LDAH: variants seen among roughly 807,000 people sequenced by gnomAD.
LDAH encodes the protein lipid droplet-associated hydrolase.
In LDAH, 26 loss-of-function variants were observed where a neutral mutation model predicts 29.6. The observed-to-expected ratio is 0.88, with a 90% CI of 0.64 to 1.22. The LOEUF (loss-of-function observed/expected upper bound fraction) is 1.22, where lower values mean the gene tolerates loss of function less well. LDAH is among the 50% of genes most tolerant of loss of function. LDAH has a pLI of 0.00. For missense variants in LDAH, 344 were observed against 387.3 expected, an observed-to-expected ratio of 0.89 and a Z score of 0.94; for synonymous variants, 117 against 133.0, an observed-to-expected ratio of 0.88 and a Z score of 0.83.
chr2:20,747,184 A>G (rs1189127109), intron 4 of LDAH, among the ~76,000 whole-genome samples: 1 of 152,110 alleles, frequency 6.6e-6, no homozygotes, highest in Non-Finnish European at 1.5e-5. Context: ...GAAAGACTTC[A>G]CCTGTTTATA....
intron 4 of LDAH, among the ~76,000 whole-genome samples, chr2:20,769,134 T>A (rs1669244952): frequency 6.6e-6 from 1 of 152,126 alleles, no homozygotes; most frequent in Non-Finnish European, 1.5e-5. Context: ...AAACCATTTC[T>A]CTTCATGCTG....
chr2:20,720,707 G>A (rs1054930881), intron 5 of LDAH, among the ~76,000 whole-genome samples: 1 of 151,964 alleles, frequency 6.6e-6, no homozygotes, highest in Non-Finnish European at 1.5e-5. Flanking sequence ...AAACAAAGCT[G>A]GAAGCATCAT....
chr2:20,814,229 T>TGAG (rs1491409261), intron 1 of LDAH, among the ~76,000 whole-genome samples: 8 of 132,328 alleles, frequency 6.0e-5, no homozygotes, highest in African/African-American at 2.2e-4. Context: ...AGTCTGACAA[T>TGAG]GGGGGGGGGG....
intron 4 of LDAH, among the ~76,000 whole-genome samples, chr2:20,758,550 A>T (rs1019229109): frequency 2.8e-4 from 43 of 152,194 alleles, no homozygotes; most frequent in Non-Finnish European, 4.4e-5. Context: ...GTTAAAAGGA[A>T]AGCTGAAACA....
intron 1 of LDAH, among the ~76,000 whole-genome samples, chr2:20,803,269 A>T (rs1671845519): frequency 6.6e-6 from 1 of 152,300 alleles, no homozygotes; most frequent in Admixed American, 6.5e-5. Context: ...TTTCTCCAGC[A>T]TCTGGCTAGC....
chr2:20,769,064 G>A (rs557079504), intron 4 of LDAH, among the ~76,000 whole-genome samples: 2 of 151,916 alleles, frequency 1.3e-5, no homozygotes, highest in Admixed American at 6.6e-5. Flanking sequence ...ACCCCTCCAC[G>A]CACACTCTGC....
chr2:20,730,734 T>A, intron 5 of LDAH, among the ~76,000 whole-genome samples: 1 of 152,162 alleles, frequency 6.6e-6, no homozygotes, highest in East Asian at 1.9e-4. Flanking sequence ...CTTCTCCTTC[T>A]CCTTCTTCTT....
At chr2:20,764,607 A>G (rs1668908524) in intron 4 of LDAH, among the ~76,000 whole-genome samples, 1 of 152,182 alleles carries the variant, frequency 6.6e-6, no homozygotes, top group Admixed American at 6.5e-5. Context: ...ACTCCTCCCA[A>G]TGCATTCACC....
At chr2:20,696,482 T>C (rs566646802) in intron 6 of LDAH, among the ~76,000 whole-genome samples, 132 of 152,340 alleles carry the variant, frequency 8.7e-4, no homozygotes, top group Non-Finnish European at 1.3e-3. Flanking sequence ...GCACTTCATG[T>C]GTTCTCTTTG....
chr2:20,816,222 A>G (rs934451847), intron 1 of LDAH, among the ~76,000 whole-genome samples: 7 of 152,252 alleles, frequency 4.6e-5, no homozygotes, highest in African/African-American at 1.7e-4. Context: ...AGATATGAAA[A>G]ACAGGAAATA....
chr2:20,750,876 A>C (rs1327918435), intron 4 of LDAH, among the ~76,000 whole-genome samples: 1 of 152,252 alleles, frequency 6.6e-6, no homozygotes, highest in African/African-American at 2.4e-5. Flanking sequence ...ATGGAGCTGG[A>C]GGCCATTATC....
In LDAH at chr2:20,776,765, A is replaced by G. The variant is rs549592949; in HGVS notation, c.299-1786T>C. Among the ~76,000 whole-genome samples, 96 of 152,334 alleles carry G rather than the reference A, an allele frequency of 6.3e-4. 1 individual carries two copies. The highest frequency in any genetic ancestry group is 1.9e-3 in the African/African-American group (77 of 41,570). On this transcript the variant is annotated intron_variant, in intron 3 of 6. Transcript: ENST00000237822. ...TGCTTCTCTAATCACTCTACCCAGA[A>G]GTGATCATATCATTCTTTGATATAA...
At position 20,788,099 on chromosome 2, in the gene LDAH, A is replaced by G. The variant is rs112141836; in HGVS notation, c.298+2156T>C. ...TTTTTATTTTCTTATTCAGTTTTCCATACTAAATTGTTTAATAAGCACATA... is the reference window on the plus strand; with the variant it reads ...TTTTTATTTTCTTATTCAGTTTTCCGTACTAAATTGTTTAATAAGCACATA... On this transcript the variant is annotated intron_variant, in intron 3 of 6. Transcript: ENST00000237822. 4.2e-3 allele frequency among the ~76,000 whole-genome samples: 646 copies of G among 152,346 alleles called. 6 individuals carry two copies. The highest frequency in any genetic ancestry group is 0.015 in the African/African-American group (609 of 41,590).
chr2:20,798,172 T>C (rs146945827), intron 2 of LDAH, among the ~76,000 whole-genome samples: 1 of 152,230 alleles, frequency 6.6e-6, no homozygotes, highest in Admixed American at 6.5e-5. Context: ...TTACTTCTCA[T>C]GTACCTCTTC....
rs545589359 is a variant in LDAH at position 20,746,869 on chromosome 2, C to G, written c.469-6664G>C. On this transcript the variant is annotated intron_variant, in intron 4 of 6. Coordinates refer to ENST00000237822, the MANE Select transcript of LDAH (RefSeq NM_021925.4). ...ATTTTCGCATATTTCACATTCTCTTCTGTTATCTACCAGAATGAACTTTTG... is the reference window on the plus strand; with the variant it reads ...ATTTTCGCATATTTCACATTCTCTTGTGTTATCTACCAGAATGAACTTTTG... Among the ~76,000 whole-genome samples, 11 of 152,188 alleles carry G rather than the reference C, an allele frequency of 7.2e-5. No individual in the cohort carries two copies. The South Asian group carries it at 2.3e-3, about 32-fold the overall frequency.
At chr2:20,720,955 C>A (rs1665605970) in intron 5 of LDAH, among the ~76,000 whole-genome samples, 1 of 152,032 alleles carries the variant, frequency 6.6e-6, no homozygotes, top group Admixed American at 6.6e-5. Flanking sequence ...CTAGATCGAT[C>A]CTATCTTTTA....
Position 20,740,167 on chromosome 2 carries a change from T to C in LDAH, c.507A>G (p.Arg169=). ...RAFLLFPTIE[R]MSESPNGRIA... ...TTCTGCCATTGGGTGACTCAGACAT[T>C]CGTTCAATTGTTGGAAAGAGCAGAA... Residue 169 remains arginine, a synonymous_variant, in exon 5 of 7, where the codon CGA becomes CGG. Coordinates refer to ENST00000237822, the MANE Select transcript of LDAH (RefSeq NM_021925.4). 6.2e-7 allele frequency: 1 copy of C among 1,614,076 alleles called. No individual in the cohort carries two copies. The highest frequency in any genetic ancestry group is 8.5e-7 in the Non-Finnish European group (1 of 1,179,958).
intron 5 of LDAH, among the ~76,000 whole-genome samples, chr2:20,718,193 T>A (rs1460569407): frequency 1.3e-5 from 2 of 152,102 alleles, no homozygotes; most frequent in Non-Finnish European, 2.9e-5. Flanking sequence ...GTAAATCAAC[T>A]AAATTCTCCA....
intron 2 of LDAH, among the ~76,000 whole-genome samples, chr2:20,799,023 T>G (rs1671489997): frequency 6.6e-6 from 1 of 152,034 alleles, no homozygotes; most frequent in South Asian, 2.1e-4. Context: ...GGCCAGGAGT[T>G]CGACACACGC....
Sources: gnomAD v4.1 joint callset for allele counts (sites outside exome capture counted in the v4.1 genomes callset) on GRCh38, gnomAD v4.1.1 for gene constraint, MANE v1.5 for transcripts, NCBI Gene and HGNC (gene_info 2026-07-23, HGNC 2026-07-21) for gene names.